NRXN1: variants seen among roughly 807,000 people sequenced by gnomAD.
NRXN1 encodes the protein neurexin 1, also known as neurexin-1.
In NRXN1, 39 loss-of-function variants were observed where a neutral mutation model predicts 150.9. The ratio of observed to expected loss-of-function variants is 0.26; its 90% CI spans 0.20 to 0.34. The LOEUF is 0.34. NRXN1 is among the 10% of genes least tolerant of loss of function. NRXN1 has a pLI of 1.00. For missense variants in NRXN1, 1,815 were observed against 1,949.9 expected, an observed-to-expected ratio of 0.93 and a Z score of 1.30; for synonymous variants, 924 against 757.0, an observed-to-expected ratio of 1.22 and a Z score of -3.62.
In NRXN1 at chr2:50,497,381, T is replaced by C. The variant is rs201736230; in HGVS notation, c.2831A>G (p.Tyr944Cys). ...AAAGTCATTTCCATCCCCACTGTTA[T>C]ATAGAATTAATCCATCTAGGGATGT... The part of the protein sequence containing the change: ...KTTSLDGLIL[Y>C]NSGDGNDFIV... The change falls in exon 14 of 23, where the codon TAT becomes TGT. Residue 944 changes from tyrosine to cysteine, a missense_variant. By Grantham distance (194) the Tyr-to-Cys change is radical. Transcript: ENST00000401669. The C allele has an allele frequency of 1.3e-6, 2 of 1,578,896 alleles. No homozygotes were observed. Among genetic ancestry groups the C allele is most frequent in the South Asian group, 2.4e-5 (2 of 84,176 alleles).
intron 21 of NRXN1, among the ~76,000 whole-genome samples, chr2:49,950,720 A>G (rs374463022): frequency 5.3e-5 from 8 of 152,104 alleles, no homozygotes; most frequent in African/African-American, 1.9e-4. Flanking sequence ...CTTATCTGGA[A>G]TGCAGATGGA....
intron 21 of NRXN1, among the ~76,000 whole-genome samples, chr2:49,983,302 G>T (rs1477176475): frequency 6.6e-6 from 1 of 152,138 alleles, no homozygotes; most frequent in African/African-American, 2.4e-5. Flanking sequence ...GGTTATATTA[G>T]ACATTCAATA....
intron 17 of NRXN1, chr2:50,416,943 A>T (rs1029190777): frequency 2.6e-5 from 4 of 152,156 alleles, no homozygotes; most frequent in Non-Finnish European, 5.9e-5. Context: ...TTTTTCAGAA[A>T]GTTATATTTT....
chr2:51,000,564 A>C (rs1699899867), intron 2 of NRXN1, among the ~76,000 whole-genome samples: 1 of 152,008 alleles, frequency 6.6e-6, no homozygotes, highest in South Asian at 2.1e-4. Context: ...GGTAAAAAAT[A>C]ATGAAACAAT....
intron 5 of NRXN1, among the ~76,000 whole-genome samples, chr2:50,690,795 G>A (rs1199246600): frequency 4.6e-5 from 7 of 152,110 alleles, no homozygotes; most frequent in Admixed American, 4.6e-4. Context: ...AATATGTTAA[G>A]TACTTCTCTT....
intron 5 of NRXN1, among the ~76,000 whole-genome samples, chr2:50,898,770 C>T (rs1211640158): frequency 6.6e-6 from 1 of 151,866 alleles, no homozygotes; most frequent in Non-Finnish European, 1.5e-5. Context: ...TGTTGATGGA[C>T]ATCATTAACA....
intron 18 of NRXN1, among the ~76,000 whole-genome samples, chr2:50,216,660 G>C (rs1366457893): frequency 6.6e-6 from 1 of 152,034 alleles, no homozygotes; most frequent in Non-Finnish European, 1.5e-5. Flanking sequence ...AAATCAGAGT[G>C]CTTTATTGAG....
At chr2:50,498,058 G>C (rs557037493) in intron 13 of NRXN1, among the ~76,000 whole-genome samples, 6 of 152,136 alleles carry the variant, frequency 3.9e-5, no homozygotes, top group African/African-American at 1.4e-4. Flanking sequence ...AAAGAAGGGA[G>C]AGTGCACAGA....
At chr2:50,460,497 G>A (rs543443433) in intron 17 of NRXN1, among the ~76,000 whole-genome samples, 5 of 152,036 alleles carry the variant, frequency 3.3e-5, no homozygotes, top group African/African-American at 1.2e-4. Context: ...TTCTCATATA[G>A]ATACAGACTG....
chr2:50,481,543 T>C lies in NRXN1; in HGVS notation c.3071-9072A>G, dbSNP rs2090456363. Reference sequence around the variant, plus strand: ...TTTAGATACAGCAGTTACTTTTCAATTGTCTCCCACAAAGAGATAAATCAG... The same window carrying C: ...TTTAGATACAGCAGTTACTTTTCAACTGTCTCCCACAAAGAGATAAATCAG... On this transcript the variant is annotated intron_variant, in intron 15 of 22. Coordinates refer to ENST00000401669, the MANE Select transcript of NRXN1 (RefSeq NM_001330078.2). 2.0e-5 allele frequency among the ~76,000 whole-genome samples: 3 copies of C among 152,182 alleles called. No homozygotes were observed. The South Asian group carries it at 6.2e-4, about 31-fold the overall frequency.
chr2:50,808,138 T>C (rs532322997), intron 5 of NRXN1, among the ~76,000 whole-genome samples: 1 of 152,094 alleles, frequency 6.6e-6, no homozygotes, highest in Non-Finnish European at 1.5e-5. Flanking sequence ...GGATTCTCCA[T>C]GTCAGTTAGT....
chr2:50,901,454 G>A (rs556337695), intron 5 of NRXN1, among the ~76,000 whole-genome samples: 1 of 152,042 alleles, frequency 6.6e-6, no homozygotes, highest in Admixed American at 6.5e-5. Context: ...GGAGAATGAC[G>A]TCAACCTAGG....
At chr2:50,936,284 A>T (rs1688533797) in intron 2 of NRXN1, among the ~76,000 whole-genome samples, 1 of 152,182 alleles carries the variant, frequency 6.6e-6, no homozygotes, top group Non-Finnish European at 1.5e-5. Flanking sequence ...CTTGAAAGAG[A>T]TTACACAACA....
At chr2:50,410,001 A>G (rs1298761758) in intron 17 of NRXN1, among the ~76,000 whole-genome samples, 1 of 152,122 alleles carries the variant, frequency 6.6e-6, no homozygotes, top group Non-Finnish European at 1.5e-5. Flanking sequence ...TCATGTTGAC[A>G]TTCCCTACGT....
chr2:50,755,400 C>G (rs1701049389), intron 5 of NRXN1, among the ~76,000 whole-genome samples: 1 of 151,704 alleles, frequency 6.6e-6, no homozygotes, highest in Non-Finnish European at 1.5e-5. Flanking sequence ...CATTATGTAT[C>G]CCATTTACCA....
At chr2:50,838,957 G>C (rs1672481179) in intron 5 of NRXN1, among the ~76,000 whole-genome samples, 1 of 152,198 alleles carries the variant, frequency 6.6e-6, no homozygotes, top group Middle Eastern at 3.4e-3. Flanking sequence ...GGTGAAAAAA[G>C]GTGAAATCTT....
chr2:50,364,073 C>T (rs529226218), intron 17 of NRXN1, among the ~76,000 whole-genome samples: 1 of 152,182 alleles, frequency 6.6e-6, no homozygotes, highest in East Asian at 1.9e-4. Context: ...GGGAACATCA[C>T]CCACTGGGGC....
chr2:50,902,417 C>T (rs1025052270), intron 5 of NRXN1, among the ~76,000 whole-genome samples: 2 of 151,744 alleles, frequency 1.3e-5, no homozygotes, highest in Non-Finnish European at 2.9e-5. Context: ...TATTAATGTA[C>T]TAGATCTACA....
chr2:50,848,823 T>A (rs1002573245), intron 5 of NRXN1, among the ~76,000 whole-genome samples: 3 of 152,134 alleles, frequency 2.0e-5, no homozygotes, highest in Non-Finnish European at 2.9e-5. Context: ...CTCCAGGGAT[T>A]AGTGCATAAA....
Sources: gnomAD v4.1 joint callset for allele counts (sites outside exome capture counted in the v4.1 genomes callset) on GRCh38, gnomAD v4.1.1 for gene constraint, MANE v1.5 for transcripts, NCBI Gene and HGNC (gene_info 2026-07-23, HGNC 2026-07-21) for gene names.